The following NDST3 variants were observed in gnomAD, a reference collection of about 807,000 sequenced individuals.
NDST3 encodes bifunctional heparan sulfate N-deacetylase/N-sulfotransferase 3.
In NDST3, 58 loss-of-function variants were observed where a neutral mutation model predicts 96.1. The observed-to-expected ratio is 0.60, with a 90% CI of 0.49 to 0.75. The LOEUF is 0.75. Among genes scored for constraint, NDST3 ranks in the 30% least tolerant of loss-of-function variants. NDST3 has a pLI of 0.00. For missense variants in NDST3, 788 were observed against 1,034.2 expected (o/e 0.76, Z 3.27); for synonymous variants, 333 against 359.7 (o/e 0.93, Z 0.84).
intron 6 of NDST3, among the ~76,000 whole-genome samples, chr4:118,179,741 GA>G (rs943326917): frequency 6.6e-6 from 1 of 151,294 alleles, no homozygotes. Context: ...CATCTCCCCA[GA>G]AAAAAAACTC....
chr4:118,089,854 G>C (rs1435406214), intron 2 of NDST3, among the ~76,000 whole-genome samples: 1 of 151,872 alleles, frequency 6.6e-6, no homozygotes, highest in Non-Finnish European at 1.5e-5. Flanking sequence ...TAAACTTTGA[G>C]AACAAGGTGA....
Position 118,053,754 on chromosome 4 carries a change from A to C in NDST3, c.-155-2A>C, listed in dbSNP as rs1156573973. The C allele has an allele frequency of 1.4e-6, 1 of 726,834 alleles. No individual in the cohort carries two copies. The highest frequency in any genetic ancestry group is 1.8e-5 in the African/African-American group (1 of 55,732). 45.0% of individuals were successfully genotyped at this position (726,834 alleles called of 1,614,324 possible). A position where few individuals can be genotyped will look rare whatever the true frequency, so the allele number is the denominator to read the frequency against. ...TGTTTTATATTCTTTTCTATTTTTC[A>C]GACTGTATTTTCTGTGAGTCCTGAT... is the stretch of plus-strand genomic sequence containing the variant. On this transcript the variant is annotated splice_acceptor_variant, in intron 1 of 13. Transcript: ENST00000296499. LOFTEE classifies it low-confidence loss of function (5UTR_SPLICE).
intron 5 of NDST3, among the ~76,000 whole-genome samples, chr4:118,143,204 T>C (rs1733691597): frequency 6.6e-6 from 1 of 152,140 alleles, no homozygotes; most frequent in Non-Finnish European, 1.5e-5. Flanking sequence ...GCACAGACAA[T>C]CCAATACTTT....
intron 2 of NDST3, among the ~76,000 whole-genome samples, chr4:118,063,570 T>TA (rs984741992): frequency 6.6e-6 from 1 of 152,184 alleles, no homozygotes; most frequent in African/African-American, 2.4e-5. Context: ...AATCAGCATG[T>TA]AAAAAATCTT....
chr4:118,214,785 A>T (rs1318382322), intron 6 of NDST3, among the ~76,000 whole-genome samples: 1 of 152,178 alleles, frequency 6.6e-6, no homozygotes, highest in African/African-American at 2.4e-5. Flanking sequence ...AGAAATGAGG[A>T]TCTGGTAAGT....
At chr4:118,038,060 T>C (rs950716847) in intron 1 of NDST3, among the ~76,000 whole-genome samples, 8 of 152,164 alleles carry the variant, frequency 5.3e-5, no homozygotes, top group African/African-American at 1.9e-4. Flanking sequence ...AGGCAACCAA[T>C]GAGAGGCCAG....
chr4:118,102,973 G>A (rs115057435), intron 2 of NDST3, among the ~76,000 whole-genome samples: 252 of 152,084 alleles, frequency 1.7e-3, no homozygotes, highest in African/African-American at 5.8e-3. Flanking sequence ...GCAAATTCAG[G>A]GCTAATTTAG....
At chr4:118,147,926 T>G (rs1734070600) in intron 6 of NDST3, among the ~76,000 whole-genome samples, 1 of 152,234 alleles carries the variant, frequency 6.6e-6, no homozygotes, top group African/African-American at 2.4e-5. Flanking sequence ...TAGAACACTT[T>G]GCCTCCCTTC....
chr4:118,213,236 C>T (rs1004398263), intron 6 of NDST3, among the ~76,000 whole-genome samples: 2 of 152,146 alleles, frequency 1.3e-5, no homozygotes, highest in Admixed American at 6.6e-5. Context: ...TCATGAACTC[C>T]AGTAGACTGC....
At chr4:118,046,892 A>G (rs1425913846) in intron 1 of NDST3, among the ~76,000 whole-genome samples, 1 of 145,978 alleles carries the variant, frequency 6.9e-6, no homozygotes, top group African/African-American at 2.5e-5. Context: ...TACCTGCTGC[A>G]ACTTCGGACC....
intron 6 of NDST3, among the ~76,000 whole-genome samples, chr4:118,201,717 G>A (rs895517181): frequency 6.6e-6 from 1 of 151,936 alleles, no homozygotes; most frequent in Non-Finnish European, 1.5e-5. Context: ...TGCAGATATC[G>A]TCTCTCATTC....
chr4:118,236,938 GC>G (rs1740684919), intron 9 of NDST3, 107 bp from the exon 10 acceptor site: 5 of 789,276 alleles, frequency 6.3e-6, no homozygotes, highest in East Asian at 6.1e-5. Context: ...TAAAGAAAAA[GC>G]CTTTTATTTA....
chr4:118,232,484 T>A (rs1160540431), intron 8 of NDST3, among the ~76,000 whole-genome samples: 6 of 151,474 alleles, frequency 4.0e-5, no homozygotes, highest in East Asian at 1.9e-4. Context: ...TTAAAAAAAA[T>A]TAAAAATTAG....
chr4:118,196,916 A>G (rs1475669794), intron 6 of NDST3, among the ~76,000 whole-genome samples: 4 of 142,352 alleles, frequency 2.8e-5, no homozygotes, highest in Admixed American at 2.1e-4. Context: ...TACTTCTTTG[A>G]GGTGCATCAT....
At chr4:118,221,053 G>T (rs930617718) in intron 6 of NDST3, among the ~76,000 whole-genome samples, 1 of 151,890 alleles carries the variant, frequency 6.6e-6, no homozygotes, top group African/African-American at 2.4e-5. Flanking sequence ...CAGGTACCAG[G>T]GCCTCCTCCA....
intron 5 of NDST3, among the ~76,000 whole-genome samples, chr4:118,139,707 C>T (rs1192255109): frequency 6.6e-6 from 1 of 152,162 alleles, no homozygotes; most frequent in Non-Finnish European, 1.5e-5. Context: ...TCATTATCTT[C>T]CCTTCGAACC....
At chr4:118,066,150 TTA>T (rs1450974318) in intron 2 of NDST3, among the ~76,000 whole-genome samples, 10 of 14,278 alleles carry the variant, frequency 7.0e-4, no homozygotes, top group Non-Finnish European at 1.4e-3. Flanking sequence ...ATTTTATATA[TTA>T]TATATATTAT....
In NDST3 at chr4:118,053,864, C is replaced by CT. The variant is rs1283044758; in HGVS notation, c.-42dup. ...GCTGGAACACCATCTTTTCTTTTAA[C>CT]TTTTTATGGTGCTTCTGTTGGCATA... On this transcript the variant is annotated 5_prime_UTR_variant, in exon 2 of 14. Transcript: ENST00000296499. The CT allele has an allele frequency of 4.6e-6, 7 of 1,524,916 alleles. No homozygotes were observed. The Admixed American group carries it at 1.3e-4, about 28-fold the overall frequency. 94.5% of individuals were successfully genotyped at this position (1,524,916 alleles called of 1,614,324 possible).
chr4:118,054,795 G>A lies in NDST3; in HGVS notation c.885G>A (p.Lys295=). Residue 295 remains lysine (K), a synonymous_variant, in exon 2 of 14, where the codon AAG becomes AAA. Transcript: ENST00000296499. ...FIDAISFLSG[K]RLTLSLDRYI... is the part of the protein sequence containing the mutation. ...ATGCCATCTCCTTCTTATCAGGGAA[G>A]AGGCTGACATTGTCCTTGGACAGGT... 1 of 1,613,290 alleles carries A rather than the reference G, an allele frequency of 6.2e-7. No homozygotes were observed. Among genetic ancestry groups the A allele is most frequent in the Non-Finnish European group, 8.5e-7 (1 of 1,179,412 alleles).
Sources: gnomAD v4.1 joint callset for allele counts (sites outside exome capture counted in the v4.1 genomes callset) on GRCh38, gnomAD v4.1.1 for gene constraint, MANE v1.5 for transcripts, NCBI Gene and HGNC (gene_info 2026-07-23, HGNC 2026-07-21) for gene names.